Variants in KCNIP4 observed in about 807,000 individuals in gnomAD.
KCNIP4 encodes the protein Kv channel-interacting protein 4.
KCNIP4 carries 12 observed loss-of-function variants against 34.0 expected under a neutral mutation model. The ratio of observed to expected loss-of-function variants is 0.35; its 90% CI spans 0.23 to 0.57. The LOEUF is 0.57. KCNIP4 is among the 20% of genes least tolerant of loss of function. The pLI is 0.83. For synonymous variants in KCNIP4, 124 were observed against 102.2 expected (o/e 1.21, Z -1.29); for missense variants, 238 against 311.7 (o/e 0.76, Z 1.78).
rs189757736 is a variant in KCNIP4 at position 21,501,637 on chromosome 4, A to C, written c.61+446934T>G. Among the ~76,000 whole-genome samples, 12 of 150,204 alleles carry C rather than the reference A, an allele frequency of 8.0e-5. No homozygotes were observed. The East Asian group carries it at 2.4e-3, about 30-fold the overall frequency. On this transcript the variant is annotated intron_variant, in intron 1 of 8. Transcript: ENST00000382152. ...GAATGGCAATGGTCTTCAACTCTGC[A>C]GCAATTATGGGCTGTACTCCTCAAA...
At chr4:21,843,393 T>G (rs1039203408) in intron 1 of KCNIP4, 1 of 152,020 alleles carries the variant, frequency 6.6e-6, no homozygotes, top group African/African-American at 2.4e-5. Flanking sequence ...GTTTAAGACA[T>G]GTTAGCCCAA....
intron 1 of KCNIP4, among the ~76,000 whole-genome samples, chr4:21,121,275 G>T (rs1258073998): frequency 2.0e-5 from 3 of 152,186 alleles, no homozygotes; most frequent in South Asian, 2.1e-4. Context: ...GGCAAAGGGA[G>T]AAGGCATATA....
chr4:21,838,466 C>G (rs1723479202), intron 1 of KCNIP4, among the ~76,000 whole-genome samples: 1 of 152,154 alleles, frequency 6.6e-6, no homozygotes, highest in Non-Finnish European at 1.5e-5. Context: ...TCATGGAGAA[C>G]CTTTCCACCC....
intron 3 of KCNIP4, among the ~76,000 whole-genome samples, chr4:20,799,736 G>A (rs1713985990): frequency 6.6e-6 from 1 of 152,146 alleles, no homozygotes; most frequent in Non-Finnish European, 1.5e-5. Context: ...TCCACACTAT[G>A]TGCTATCTCA....
chr4:21,638,864 T>A (rs1370408370), intron 1 of KCNIP4, among the ~76,000 whole-genome samples: 1 of 152,170 alleles, frequency 6.6e-6, no homozygotes, highest in Non-Finnish European at 1.5e-5. Context: ...GAAAATTAGT[T>A]ACTTGTGATA....
chr4:21,365,478 A>AAAATAAATAAATAAATAAATAAAT (rs3048729), intron 1 of KCNIP4, among the ~76,000 whole-genome samples: 2 of 132,070 alleles, frequency 1.5e-5, no homozygotes, highest in Non-Finnish European at 3.1e-5. Flanking sequence ...ACTGTCTCAA[A>AAAATAAATAAATAAATAAATAAAT]AAATAAATAA....
At chr4:21,269,641 C>G (rs1461026286) in intron 1 of KCNIP4, among the ~76,000 whole-genome samples, 1 of 152,156 alleles carries the variant, frequency 6.6e-6, no homozygotes, top group Non-Finnish European at 1.5e-5. Flanking sequence ...GCAATCCTCC[C>G]ACCTCAGCCT....
intron 1 of KCNIP4, among the ~76,000 whole-genome samples, chr4:21,912,078 T>G (rs917244814): frequency 2.6e-5 from 4 of 152,132 alleles, no homozygotes; most frequent in African/African-American, 9.7e-5. Context: ...ATTATTTCTG[T>G]GATAACTCAC....
chr4:21,529,583 A>T (rs1032734804), intron 1 of KCNIP4, among the ~76,000 whole-genome samples: 3 of 152,186 alleles, frequency 2.0e-5, no homozygotes, highest in Non-Finnish European at 4.4e-5. Flanking sequence ...TTGTTATAAT[A>T]AAATATTCTC....
intron 1 of KCNIP4, among the ~76,000 whole-genome samples, chr4:21,672,992 T>C (rs183077437): frequency 3.3e-5 from 5 of 152,278 alleles, no homozygotes; most frequent in Non-Finnish European, 5.9e-5. Context: ...CCAGAGTTAA[T>C]GATCCAATAG....
chr4:21,492,222 A>T (rs961292861), intron 1 of KCNIP4, among the ~76,000 whole-genome samples: 2 of 151,910 alleles, frequency 1.3e-5, no homozygotes, highest in Middle Eastern at 3.4e-3. Context: ...AGATATACAT[A>T]TACTTTTTTG....
At chr4:21,054,254 C>A (rs1743200426) in intron 1 of KCNIP4, among the ~76,000 whole-genome samples, 1 of 152,078 alleles carries the variant, frequency 6.6e-6, no homozygotes, top group African/African-American at 2.4e-5. Flanking sequence ...CATGCTGGCT[C>A]ACGTCTATGA....
chr4:21,402,872 A>T (rs1495516), intron 1 of KCNIP4, among the ~76,000 whole-genome samples: 50,216 of 151,402 alleles, frequency 0.33, 9,398 homozygotes, highest in African/African-American at 0.52. Flanking sequence ...CCTATTTTTT[A>T]AAAAAAACAA....
rs188901320 is a variant in KCNIP4 at position 20,977,206 on chromosome 4, A to T, written c.62-94497T>A. Among the ~76,000 whole-genome samples, 16 of 152,236 alleles carry T rather than the reference A, an allele frequency of 1.1e-4. No homozygotes were observed. The East Asian group carries it at 2.9e-3, about 28-fold the overall frequency. On this transcript the variant is annotated intron_variant, in intron 1 of 8. Transcript: ENST00000382152. ...TAATATGAGTAACAGCTGCTTCTTTACCTATTACAGCTTTTGTCTCTGTCT... is the reference window on the plus strand; with the variant it reads ...TAATATGAGTAACAGCTGCTTCTTTTCCTATTACAGCTTTTGTCTCTGTCT...
chr4:21,573,401 C>T (rs1740500787), intron 1 of KCNIP4, among the ~76,000 whole-genome samples: 1 of 152,050 alleles, frequency 6.6e-6, no homozygotes, highest in Non-Finnish European at 1.5e-5. Flanking sequence ...TCTTAAGCAC[C>T]TTAGATATTT....
rs374468259 is a variant in KCNIP4, at chr4:21,751,755, A to G, written c.61+196816T>C. Among the ~76,000 whole-genome samples, 6 of 152,162 alleles carry G rather than the reference A, an allele frequency of 3.9e-5. No homozygotes were observed. In the East Asian group the frequency reaches 9.6e-4, roughly 24 times the overall value. ...TCAATTTACATTTATATGAAATCAC[A>G]ACTGGGTTGAACACAGGTAGAGAAA... On this transcript the variant is annotated intron_variant, in intron 1 of 8. Transcript: ENST00000382152.
At chr4:20,944,551 G>GTTTT in intron 1 of KCNIP4, among the ~76,000 whole-genome samples, 1 of 152,312 alleles carries the variant, frequency 6.6e-6, no homozygotes, top group South Asian at 2.1e-4. Context: ...TCAGCCAGAT[G>GTTTT]GGTTCTTCCT....
chr4:21,253,982 A>G (rs1266564015), intron 1 of KCNIP4, among the ~76,000 whole-genome samples: 2 of 152,250 alleles, frequency 1.3e-5, no homozygotes, highest in Non-Finnish European at 2.9e-5. Flanking sequence ...TTTATATGAA[A>G]TATCCAGAAT....
chr4:21,033,714 C>CTA (rs1316794825), intron 1 of KCNIP4, among the ~76,000 whole-genome samples: 3 of 152,066 alleles, frequency 2.0e-5, no homozygotes, highest in African/African-American at 7.2e-5. Context: ...TAGACACTCT[C>CTA]TATATAAAGT....
Sources: gnomAD v4.1 joint callset for allele counts (sites outside exome capture counted in the v4.1 genomes callset) on GRCh38, gnomAD v4.1.1 for gene constraint, MANE v1.5 for transcripts, NCBI Gene and HGNC (gene_info 2026-07-23, HGNC 2026-07-21) for gene names.